ZNF410: variants seen among roughly 807,000 people sequenced by gnomAD.
The protein encoded by ZNF410 is zinc finger protein 410, also known as another partner for ARF 1.
Under a neutral mutation model 54.8 loss-of-function variants are expected in ZNF410, and 18 were observed. That is an observed-to-expected ratio of 0.33 (90% CI 0.23 to 0.49). ZNF410 has a LOEUF of 0.49. ZNF410 is among the 20% of genes least tolerant of loss of function. ZNF410 has a pLI of 0.99. For missense variants in ZNF410, 405 were observed against 569.6 expected (o/e 0.71, Z 2.94); for synonymous variants, 191 against 207.3 (o/e 0.92, Z 0.68).
At chr14:73,890,031 G>A (rs1284841260) in intron 1 of ZNF410, among the ~76,000 whole-genome samples, 1 of 152,034 alleles carries the variant, frequency 6.6e-6, no homozygotes, top group Non-Finnish European at 1.5e-5. Context: ...TCCTGACCTT[G>A]TGTTCCGCCT....
At chr14:73,892,739 A>T (rs1275439362) in intron 2 of ZNF410, among the ~76,000 whole-genome samples, 1 of 152,176 alleles carries the variant, frequency 6.6e-6, no homozygotes, top group East Asian at 1.9e-4. Context: ...TAGTCTTGTG[A>T]CCTTAGACAA....
chr14:73,904,863 T>G lies in ZNF410; in HGVS notation c.732-39T>G. The G allele has an allele frequency of 3.1e-6, 5 of 1,600,008 alleles. 1 individual carries two copies. The highest frequency in any genetic ancestry group is 3.4e-4 in the Middle Eastern group (2 of 5,896). On this transcript the variant is annotated intron_variant, in intron 6 of 11. Coordinates refer to ENST00000555044, the MANE Select transcript of ZNF410 (RefSeq NM_021188.3). ...TTGACTTGTCATCTCTAGCAAAGAG[T>G]GTTTTCAGATATTTTTCCTTATGTG...
At chr14:73,899,475 G>A (rs184795733) in intron 5 of ZNF410, among the ~76,000 whole-genome samples, 3 of 152,144 alleles carry the variant, frequency 2.0e-5, no homozygotes, top group East Asian at 3.9e-4. Flanking sequence ...TACTTAGAAT[G>A]GTTCATTTTA....
chr14:73,903,931 T>C, intron 5 of ZNF410, 29 bp from the exon 6 acceptor site: 1 of 1,613,524 alleles, frequency 6.2e-7, no homozygotes, highest in Non-Finnish European at 8.5e-7. Context: ...GGTCTTTCCC[T>C]GGATTACAAA....
intron 8 of ZNF410, among the ~76,000 whole-genome samples, chr14:73,910,031 C>A (rs1238060863): frequency 6.6e-6 from 1 of 152,168 alleles, no homozygotes; most frequent in Non-Finnish European, 1.5e-5. Flanking sequence ...GCAGATATAT[C>A]TCATCCTCTC....
At chr14:73,894,047 A>C (rs2055273101) in intron 3 of ZNF410, 115 bp downstream of exon 3, 1 of 1,363,922 alleles carries the variant, frequency 7.3e-7, no homozygotes, top group African/African-American at 1.5e-5. Flanking sequence ...AACTGTAAAA[A>C]TTAGGAGTCA....
chr14:73,916,668 C>T (rs766300481), intron 8 of ZNF410: 5 of 152,026 alleles, frequency 3.3e-5, no homozygotes, highest in South Asian at 2.1e-4. Flanking sequence ...GCCATGTGCC[C>T]GTTGCTGTTA....
chr14:73,929,766 A>G (rs191991653), intron 11 of ZNF410, among the ~76,000 whole-genome samples: 200 of 152,148 alleles, frequency 1.3e-3, no homozygotes, highest in African/African-American at 4.6e-3. Context: ...GTAGTGAGCC[A>G]TGATCTTGCC....
intron 11 of ZNF410, among the ~76,000 whole-genome samples, chr14:73,928,879 T>A (rs72627134): frequency 0.068 from 10,350 of 151,974 alleles, 869 homozygotes; most frequent in East Asian, 0.44. Flanking sequence ...AGCCCAGGAG[T>A]TCGAGGCTGC....
intron 4 of ZNF410, among the ~76,000 whole-genome samples, chr14:73,897,345 T>C (rs2055332860): frequency 6.6e-6 from 1 of 152,150 alleles, no homozygotes; most frequent in South Asian, 2.1e-4. Flanking sequence ...AGAGAAGTAC[T>C]TGGGGTTTTC....
chr14:73,921,235 G>A, intron 9 of ZNF410, 130 bp downstream of exon 9: 1 of 1,199,182 alleles, frequency 8.3e-7, no homozygotes. Context: ...TCATTTGATG[G>A]GCTGATGGTT....
chr14:73,890,132 C>T (rs947958756), intron 1 of ZNF410, among the ~76,000 whole-genome samples: 5 of 150,730 alleles, frequency 3.3e-5, no homozygotes, highest in African/African-American at 1.2e-4. Flanking sequence ...ATGAGGATTT[C>T]AGGTAGCTTA....
At position 73,931,964 on chromosome 14, in the gene ZNF410, T is replaced by G; in HGVS notation, c.*423T>G. On this transcript the variant is annotated 3_prime_UTR_variant, in exon 12 of 12. Transcript: ENST00000555044. ...CAACAACAGAGCTTCACCAGGAAGT[T>G]GAGTTTTCAAGATGCCTTGTTGCTT... The G allele has an allele frequency of 2.2e-6, 1 of 456,802 alleles. No homozygotes were observed. The highest frequency in any genetic ancestry group is 4.4e-6 in the Non-Finnish European group (1 of 227,028). The allele number at this position is 456,802 out of a possible 1,614,324, so 28.3% of individuals were successfully genotyped here. A position where few individuals can be genotyped will look rare whatever the true frequency, so the allele number is the denominator to read the frequency against.
chr14:73,909,487 G>A (rs1395126941), intron 8 of ZNF410, 57 bp downstream of exon 8: 64 of 1,410,914 alleles, frequency 4.5e-5, no homozygotes, highest in Non-Finnish European at 5.4e-5. Flanking sequence ...AGAATAAAAG[G>A]GTTGTGGGGG....
In ZNF410 at chr14:73,931,834, T is replaced by C; in HGVS notation, c.*293T>C. ...GACCAAAAGTGAATTTGATTATGTGTTGGCTGAAGTTCTTCATTCTGACTG... is the reference window on the plus strand; with the variant it reads ...GACCAAAAGTGAATTTGATTATGTGCTGGCTGAAGTTCTTCATTCTGACTG... On this transcript the variant is annotated 3_prime_UTR_variant, in exon 12 of 12. Coordinates refer to ENST00000555044, the MANE Select transcript of ZNF410 (RefSeq NM_021188.3). 1 of 444,604 alleles carries C rather than the reference T, an allele frequency of 2.2e-6. No individual in the cohort carries two copies. The highest frequency in any genetic ancestry group is 4.3e-6 in the Non-Finnish European group (1 of 232,262). 27.5% of individuals were successfully genotyped at this position (444,604 alleles called of 1,614,324 possible). A position where few individuals can be genotyped will look rare whatever the true frequency, so the allele number is the denominator to read the frequency against.
At chr14:73,923,710 G>C (rs2055788307) in intron 11 of ZNF410, among the ~76,000 whole-genome samples, 188 bp downstream of exon 11, 1 of 152,142 alleles carries the variant, frequency 6.6e-6, no homozygotes, top group African/African-American at 2.4e-5. Flanking sequence ...ATTGGAGATT[G>C]GTCTGTCACA....
chr14:73,915,433 G>A (rs1387575693), intron 8 of ZNF410, among the ~76,000 whole-genome samples: 3 of 151,606 alleles, frequency 2.0e-5, no homozygotes, highest in African/African-American at 7.3e-5. Flanking sequence ...TGCCTCCTGA[G>A]TTCAAGCGAT....
chr14:73,904,860 G>A, intron 6 of ZNF410, 42 bp from the exon 7 acceptor site: 1 of 1,599,708 alleles, frequency 6.3e-7, no homozygotes, highest in Non-Finnish European at 8.5e-7. Flanking sequence ...CTCTAGCAAA[G>A]AGTGTTTTCA....
At chr14:73,889,700 A>C (rs1377542289) in intron 1 of ZNF410, among the ~76,000 whole-genome samples, 1 of 152,188 alleles carries the variant, frequency 6.6e-6, no homozygotes, top group African/African-American at 2.4e-5. Flanking sequence ...GTGCTTGAAT[A>C]AGAAAAATAT....
Sources: gnomAD v4.1 joint callset for allele counts (sites outside exome capture counted in the v4.1 genomes callset) on GRCh38, gnomAD v4.1.1 for gene constraint, MANE v1.5 for transcripts, NCBI Gene and HGNC (gene_info 2026-07-23, HGNC 2026-07-21) for gene names.